Variants in MBIP observed in about 807,000 individuals in gnomAD.
MBIP encodes MAP3K12-binding inhibitory protein 1.
A neutral mutation model predicts 45.7 loss-of-function variants in MBIP; 32 were observed. The ratio of observed to expected loss-of-function variants is 0.70; its 90% CI spans 0.53 to 0.94. The LOEUF (loss-of-function observed/expected upper bound fraction) is 0.94, where lower values mean the gene tolerates loss of function less well. Among genes scored for constraint, MBIP ranks in the 40% least tolerant of loss-of-function variants. The pLI is 0.00. For missense variants in MBIP, 381 were observed against 405.5 expected (o/e 0.94, Z 0.52); for synonymous variants, 145 against 141.0 (o/e 1.03, Z -0.20).
Position 36,316,705 on chromosome 14 carries a change from A to G in MBIP, c.237T>C (p.Ile79=), listed in dbSNP as rs143434858. ...ACAAGAAATTTACCTGTAAATATAA[A>G]ATGTGTTGTTCAAGTGCACTAAAGA... ...ALLFSALEQH[I]LYLQPFLAKL... is the part of the protein sequence containing the mutation. The change falls in exon 2 of 9, where the codon ATT becomes ATC. Residue 79 remains isoleucine (I), a synonymous_variant. Transcript: ENST00000416007. The G allele has an allele frequency of 4.5e-4, 719 of 1,604,146 alleles. 2 individuals carry two copies. Among genetic ancestry groups the G allele is most frequent in the Non-Finnish European group, 2.8e-4 (331 of 1,176,286 alleles).
chr14:36,309,331 G>A (rs1424859119), intron 6 of MBIP, among the ~76,000 whole-genome samples: 1 of 151,918 alleles, frequency 6.6e-6, no homozygotes, highest in Admixed American at 6.6e-5. Context: ...TGTATTATTT[G>A]TTTCCCCATT....
At chr14:36,315,834 A>C (rs1423185736) in intron 2 of MBIP, among the ~76,000 whole-genome samples, 1 of 152,164 alleles carries the variant, frequency 6.6e-6, no homozygotes, top group Non-Finnish European at 1.5e-5. Context: ...AACACTAATA[A>C]CGTTCCAATT....
chr14:36,305,763 A>C (rs982914493), intron 7 of MBIP, among the ~76,000 whole-genome samples: 17 of 152,144 alleles, frequency 1.1e-4, no homozygotes, highest in African/African-American at 3.6e-4. Flanking sequence ...CCACAAAAGT[A>C]TCTCTCTCTC....
intron 4 of MBIP, among the ~76,000 whole-genome samples, chr14:36,312,889 AT>A: frequency 6.6e-6 from 1 of 152,214 alleles, no homozygotes; most frequent in Middle Eastern, 3.4e-3. Context: ...TTTGTAAAAA[AT>A]GGCTGGTAAA....
chr14:36,305,903 C>A (rs916241890), intron 7 of MBIP, among the ~76,000 whole-genome samples: 5 of 152,112 alleles, frequency 3.3e-5, no homozygotes, highest in Non-Finnish European at 7.3e-5. Context: ...TTGCATTAAT[C>A]TTTTCCATTC....
intron 8 of MBIP, among the ~76,000 whole-genome samples, chr14:36,299,906 G>C (rs58529268): frequency 1.3e-5 from 2 of 151,914 alleles, no homozygotes; most frequent in African/African-American, 4.8e-5. Flanking sequence ...TGGCTATTAG[G>C]GGGTAAAGAG....
intron 4 of MBIP, chr14:36,313,180 A>C (rs1297221727): frequency 6.6e-6 from 1 of 151,760 alleles, no homozygotes; most frequent in East Asian, 1.9e-4. Flanking sequence ...AATATGCTTA[A>C]AGGGCCATCC....
chr14:36,317,799 T>C (rs1388482756), intron 1 of MBIP, among the ~76,000 whole-genome samples: 1 of 152,094 alleles, frequency 6.6e-6, no homozygotes, highest in Non-Finnish European at 1.5e-5. Flanking sequence ...AGTCATCTTT[T>C]CTACAAAATA....
chr14:36,306,525 G>A (rs922047849), intron 7 of MBIP, among the ~76,000 whole-genome samples: 1 of 152,014 alleles, frequency 6.6e-6, no homozygotes, highest in African/African-American at 2.4e-5. Flanking sequence ...CGCCCACCTT[G>A]GCCTCCCAAA....
chr14:36,314,137 G>A (rs545469727), intron 4 of MBIP: 11 of 164,108 alleles, frequency 6.7e-5, no homozygotes, highest in South Asian at 5.6e-4. Flanking sequence ...GTTCACTTAC[G>A]TATTAACATC....
At chr14:36,312,139 A>G (rs1880249566) in intron 4 of MBIP, 115 bp from the exon 5 acceptor site, 2 of 521,572 alleles carry the variant, frequency 3.8e-6, no homozygotes, top group East Asian at 6.6e-5. Flanking sequence ...AATTTTAATA[A>G]ATAATAGTAA....
chr14:36,314,916 C>G lies in MBIP; in HGVS notation c.250-1G>C. ...GAGACTGAAGTTTTGCTAAAAAAGG[C>G]TGAGAACAACACAATTCCATCTGCT... On this transcript the variant is annotated splice_acceptor_variant, in intron 2 of 8. Transcript: ENST00000416007. LOFTEE classifies it high-confidence loss of function. 6.3e-7 allele frequency: 1 copy of G among 1,595,136 alleles called. No homozygotes were observed. The highest frequency in any genetic ancestry group is 1.1e-5 in the South Asian group (1 of 90,642).
Position 36,299,529 on chromosome 14 carries a change from G to GA in MBIP, c.928-340dup, listed in dbSNP as rs1245169759. Among the ~76,000 whole-genome samples the GA allele has an allele frequency of 1.2e-4, 18 of 150,604 alleles. 1 individual carries two copies. The East Asian group carries it at 3.5e-3, about 29-fold the overall frequency. The stretch of plus-strand genomic sequence containing the variant: ...TGAAGATGGGAGGAGGGAGAGGACT[G>GA]AAAAACTGCCTATTGGGTATTATGC... On this transcript the variant is annotated intron_variant, in intron 8 of 8. Coordinates refer to ENST00000416007, the MANE Select transcript of MBIP (RefSeq NM_016586.3).
At chr14:36,318,160 T>C (rs2139239675) in intron 1 of MBIP, among the ~76,000 whole-genome samples, 1 of 152,186 alleles carries the variant, frequency 6.6e-6, no homozygotes, top group Non-Finnish European at 1.5e-5. Flanking sequence ...AACCCATTAA[T>C]GTACTTTCAT....
chr14:36,303,816 G>T (rs1257383029), intron 7 of MBIP, among the ~76,000 whole-genome samples: 1 of 152,180 alleles, frequency 6.6e-6, no homozygotes, highest in Non-Finnish European at 1.5e-5. Flanking sequence ...TATGCGTGCA[G>T]TATCTAAAAT....
intron 7 of MBIP, chr14:36,305,163 T>C (rs747529222): frequency 1.3e-5 from 2 of 152,214 alleles, no homozygotes; most frequent in Non-Finnish European, 2.9e-5. Context: ...TGTGCTCAAC[T>C]TCTCCTGTTT....
Position 36,299,161 on chromosome 14 carries a change from C to T in MBIP, c.957G>A (p.Glu319=). The T allele has an allele frequency of 2.5e-6, 4 of 1,613,700 alleles. No homozygotes were observed. Among genetic ancestry groups the T allele is most frequent in the Non-Finnish European group, 3.4e-6 (4 of 1,179,700 alleles). ...QQNYSLAELD[E]KISALKQALL... ...GGGCTTGTTTGAGGGCACTAATTTT[C>T]TCATCAAGTTCAGCCAGTGAATAGT... The change falls in exon 9 of 9, where the codon GAG becomes GAA. Residue 319 remains glutamate (E), a synonymous_variant. Coordinates refer to ENST00000416007, the MANE Select transcript of MBIP (RefSeq NM_016586.3).
intron 8 of MBIP, among the ~76,000 whole-genome samples, chr14:36,299,936 G>C (rs1257661950): frequency 2.0e-5 from 3 of 152,016 alleles, no homozygotes; most frequent in South Asian, 2.1e-4. Context: ...TTGGGACTGA[G>C]TGCTAATAGA....
chr14:36,299,256 C>A, intron 8 of MBIP, 66 bp from the exon 9 acceptor site: 1 of 986,654 alleles, frequency 1.0e-6, no homozygotes, highest in Non-Finnish European at 1.6e-6. Flanking sequence ...GATAAAGTGC[C>A]AAATGAACTA....
Sources: allele counts gnomAD v4.1 joint callset (sites outside exome capture counted in the v4.1 genomes callset), GRCh38; gene constraint gnomAD v4.1.1; transcripts MANE v1.5; gene names NCBI Gene and HGNC (gene_info 2026-07-23, HGNC 2026-07-21).